BCO1: variants seen among roughly 807,000 people sequenced by gnomAD.
The protein encoded by BCO1 is beta-carotene oxygenase 1, also known as beta,beta-carotene 15,15'-dioxygenase.
Under a neutral mutation model 56.3 loss-of-function variants are expected in BCO1, and 54 were observed. The ratio of observed to expected loss-of-function variants is 0.96; its 90% confidence interval spans 0.77 to 1.20. The LOEUF (loss-of-function observed/expected upper bound fraction) is 1.20, where lower values mean the gene tolerates loss of function less well. Ranked by LOEUF, BCO1 falls within the 50% of genes most tolerant of loss-of-function variation. BCO1 has a pLI of 0.00. For synonymous variants in BCO1, 318 were observed against 266.1 expected, an observed-to-expected ratio of 1.20 and a Z score of -1.90; for missense variants, 801 against 690.9, an observed-to-expected ratio of 1.16 and a Z score of -1.79.
intron 1 of BCO1, among the ~76,000 whole-genome samples, chr16:81,243,068 C>T (rs1361495440): frequency 6.6e-6 from 1 of 152,068 alleles, no homozygotes; most frequent in Non-Finnish European, 1.5e-5. Context: ...AGATGGGTGC[C>T]TGCCAGGGGC....
chr16:81,278,163 TC>T (rs1470635312), intron 7 of BCO1, among the ~76,000 whole-genome samples: 1 of 152,166 alleles, frequency 6.6e-6, no homozygotes, highest in Non-Finnish European at 1.5e-5. Flanking sequence ...TGCCTCAGTC[TC>T]CTGAGCAGCT....
chr16:81,241,836 G>A (rs996409001), intron 1 of BCO1, among the ~76,000 whole-genome samples: 8 of 152,180 alleles, frequency 5.3e-5, no homozygotes, highest in African/African-American at 1.9e-4. Context: ...ACACGTCCAT[G>A]CAGGGAGCAC....
At chr16:81,247,743 C>A (rs528407364) in intron 2 of BCO1, among the ~76,000 whole-genome samples, 14 of 152,164 alleles carry the variant, frequency 9.2e-5, no homozygotes, top group African/African-American at 3.4e-4. Flanking sequence ...TCAGGCTGTT[C>A]TCGAACTTCC....
intron 2 of BCO1, among the ~76,000 whole-genome samples, chr16:81,253,261 C>T (rs569231888): frequency 6.6e-6 from 1 of 152,162 alleles, no homozygotes; most frequent in Non-Finnish European, 1.5e-5. Context: ...GAGCCGAAGC[C>T]TTGATCACTC....
Position 81,285,576 on chromosome 16 carries a change from G to A in BCO1, c.1244G>A (p.Gly415Glu). 1 of 1,613,916 alleles carries A rather than the reference G, an allele frequency of 6.2e-7. No homozygotes were observed. The highest frequency in any genetic ancestry group is 8.5e-7 in the Non-Finnish European group (1 of 1,179,798). The change falls in exon 9 of 11, where the codon GGA becomes GAA. Residue 415 changes from glycine to glutamate, a missense_variant. By Grantham distance (98) the Gly-to-Glu change is moderately conservative. Coordinates refer to ENST00000258168, the MANE Select transcript of BCO1 (RefSeq NM_017429.3). Reference protein sequence around the residue: ...ELPRVNYAHNGKQYRYVFATG... With the variant: ...ELPRVNYAHNEKQYRYVFATG... The stretch of plus-strand genomic sequence containing the variant: ...CCACGGGTCAATTATGCTCACAATG[G>A]AAAGCAATACCGATATGTCTTTGCT...
At chr16:81,276,417 C>G (rs1035140435) in intron 7 of BCO1, among the ~76,000 whole-genome samples, 1 of 152,210 alleles carries the variant, frequency 6.6e-6, no homozygotes, top group Non-Finnish European at 1.5e-5. Context: ...GCTTCCAATA[C>G]CCGTCTTCCT....
chr16:81,269,284 G>A (rs993038115), intron 6 of BCO1, among the ~76,000 whole-genome samples: 9 of 147,030 alleles, frequency 6.1e-5, no homozygotes, highest in Non-Finnish European at 1.0e-4. Flanking sequence ...CTGCCTTCAC[G>A]TGCACTTTTA....
chr16:81,269,065 CTTTTTT>C (rs71146003), intron 6 of BCO1, among the ~76,000 whole-genome samples: 4 of 83,068 alleles, frequency 4.8e-5, no homozygotes, highest in Non-Finnish European at 2.2e-5. Flanking sequence ...TGCACCTGGT[CTTTTTT>C]TTTTTTTTTT....
intron 2 of BCO1, among the ~76,000 whole-genome samples, chr16:81,252,246 TTTTTGTTTTG>T (rs925357935): frequency 6.6e-6 from 1 of 151,664 alleles, no homozygotes; most frequent in East Asian, 1.9e-4. Context: ...TGGGTGTGTG[TTTTTGTTTTG>T]TTTTGTTTTG....
chr16:81,251,695 G>C (rs1339877829), intron 2 of BCO1, among the ~76,000 whole-genome samples: 1 of 152,090 alleles, frequency 6.6e-6, no homozygotes, highest in East Asian at 1.9e-4. Flanking sequence ...AAAGCAAAAA[G>C]TTTTTACAAA....
At chr16:81,276,519 C>T (rs1387588797) in intron 7 of BCO1, among the ~76,000 whole-genome samples, 1 of 152,206 alleles carries the variant, frequency 6.6e-6, no homozygotes, top group East Asian at 1.9e-4. Context: ...AGGGCATCCA[C>T]GCAGTGAGGG....
chr16:81,254,795 C>T (rs990130672), intron 2 of BCO1, among the ~76,000 whole-genome samples: 2 of 152,040 alleles, frequency 1.3e-5, no homozygotes, highest in Non-Finnish European at 2.9e-5. Context: ...GGGGGCTGCT[C>T]TGGTCCTGTT....
At chr16:81,240,558 AGC>A (rs1905064669) in intron 1 of BCO1, among the ~76,000 whole-genome samples, 2 of 152,030 alleles carry the variant, frequency 1.3e-5, no homozygotes, top group Admixed American at 6.6e-5. Flanking sequence ...TACACAAATT[AGC>A]CAGGGGTGGT....
chr16:81,288,705 A>T (rs1908314631), intron 10 of BCO1, among the ~76,000 whole-genome samples: 1 of 152,220 alleles, frequency 6.6e-6, no homozygotes, highest in Admixed American at 6.5e-5. Context: ...CATTCTCAGA[A>T]ATGCTTCAGA....
intron 2 of BCO1, among the ~76,000 whole-genome samples, chr16:81,256,764 T>C (rs1341725904): frequency 1.3e-5 from 2 of 152,088 alleles, no homozygotes; most frequent in Non-Finnish European, 2.9e-5. Context: ...GGCACATGCC[T>C]GTAGTCCCAG....
In BCO1 at chr16:81,259,692, G is replaced by T. The variant is rs771730557; in HGVS notation, c.210G>T (p.Arg70Ser). The part of the protein sequence containing the change: ...FTIRDGEVYY[R>S]SKYLRSDTYN... The stretch of plus-strand genomic sequence containing the variant: ...CTCTTGCAGGTGAAGTCTATTACAG[G>T]AGCAAATACCTGAGAAGCGATACCT... The change falls in exon 3 of 11, where the codon AGG becomes AGT. Residue 70 changes from arginine (R) to serine (S), a missense_variant. Arg to Ser is a moderately radical substitution (Grantham distance 110). Transcript: ENST00000258168. 26 of 1,614,012 alleles carry T rather than the reference G, an allele frequency of 1.6e-5. No individual in the cohort carries two copies. Among genetic ancestry groups the T allele is most frequent in the African/African-American group, 2.7e-5 (2 of 74,916 alleles).
At position 81,262,167 on chromosome 16, in the gene BCO1, G is replaced by T. The variant is rs764080372; in HGVS notation, c.355G>T (p.Asp119Tyr). The T allele has an allele frequency of 2.5e-6, 4 of 1,613,896 alleles. No individual in the cohort carries two copies. The highest frequency in any genetic ancestry group is 2.2e-5 in the South Asian group (2 of 91,062). Residue 119 changes from aspartate to tyrosine, a missense_variant, in exon 4 of 11, where the codon GAT becomes TAT. Transcript: ENST00000258168. ...AFSYLSHTIP[D>Y]FTDNCLINIM... Reference sequence around the variant, plus strand: ...CTCCTACTTGTCTCACACCATCCCCGATTTCACCGACAACTGCCTGATCAA... The same window carrying T: ...CTCCTACTTGTCTCACACCATCCCCTATTTCACCGACAACTGCCTGATCAA...
chr16:81,247,187 A>T (rs1210007867), intron 2 of BCO1, among the ~76,000 whole-genome samples: 1 of 152,174 alleles, frequency 6.6e-6, no homozygotes, highest in East Asian at 1.9e-4. Context: ...AGGCTTTCCA[A>T]AATTTTTCTT....
chr16:81,285,485 G>A, intron 8 of BCO1, 55 bp from the exon 9 acceptor site: 2 of 1,302,152 alleles, frequency 1.5e-6, no homozygotes, highest in South Asian at 2.4e-5. Context: ...AGGAAGGGTG[G>A]ATGCTCCCAG....
Sources: gnomAD v4.1 joint callset for allele counts (sites outside exome capture counted in the v4.1 genomes callset) on GRCh38, gnomAD v4.1.1 for gene constraint, MANE v1.5 for transcripts, NCBI Gene and HGNC (gene_info 2026-07-23, HGNC 2026-07-21) for gene names.